AGBL4: variants seen among roughly 807,000 people sequenced by gnomAD.
The protein encoded by AGBL4 is cytosolic carboxypeptidase 6.
A neutral mutation model predicts 66.4 loss-of-function variants in AGBL4; 58 were observed. That is an observed-to-expected ratio of 0.87 (90% CI 0.71 to 1.09). The LOEUF is 1.09. Among genes scored for constraint, AGBL4 ranks in the 50% least tolerant of loss-of-function variants. The probability of loss-of-function intolerance (pLI) is 0.00; values close to 1 mark genes in which losing one functional copy is unlikely to be tolerated. For missense variants in AGBL4, 579 were observed against 631.0 expected (o/e 0.92, Z 0.88); for synonymous variants, 234 against 222.9 (o/e 1.05, Z -0.44).
chr1:48,588,836 A>AGAAGG (rs1398021957), intron 10 of AGBL4, among the ~76,000 whole-genome samples: 1 of 151,128 alleles, frequency 6.6e-6, no homozygotes, highest in African/African-American at 2.4e-5. Context: ...AGAAGAGAAG[A>AGAAGG]GAAGAGAAGA....
intron 6 of AGBL4, among the ~76,000 whole-genome samples, chr1:48,668,824 A>G (rs1164957317): frequency 1.3e-5 from 2 of 152,260 alleles, no homozygotes; most frequent in African/African-American, 4.8e-5. Flanking sequence ...TAGTAAGAAC[A>G]TGGCCATAGT....
chr1:49,165,007 G>A (rs1300912340), intron 4 of AGBL4, among the ~76,000 whole-genome samples: 1 of 152,052 alleles, frequency 6.6e-6, no homozygotes. Context: ...TAAATAATCA[G>A]TAGGAACATA....
chr1:48,551,202 G>A lies in AGBL4; in HGVS notation c.1268-11464C>T, dbSNP rs536613181. 1.8e-4 allele frequency among the ~76,000 whole-genome samples: 28 copies of A among 152,178 alleles called. No individual in the cohort carries two copies. The South Asian group carries it at 2.7e-3, about 15-fold the overall frequency. ...GCCTTATCTCCTGACACTGTATTCC[G>A]TTGTGCATGTATTTAGAAGGCCAGG... On this transcript the variant is annotated intron_variant, in intron 11 of 13. Coordinates refer to ENST00000371839, the MANE Select transcript of AGBL4 (RefSeq NM_032785.4).
intron 5 of AGBL4, among the ~76,000 whole-genome samples, chr1:49,004,458 C>T (rs1243685340): frequency 6.6e-6 from 1 of 152,180 alleles, no homozygotes; most frequent in Non-Finnish European, 1.5e-5. Context: ...ATAGAGCTGG[C>T]CCAGAGCAGG....
chr1:49,908,774 G>C (rs569658692), intron 1 of AGBL4, among the ~76,000 whole-genome samples: 23 of 152,036 alleles, frequency 1.5e-4, no homozygotes, highest in Non-Finnish European at 3.1e-4. Flanking sequence ...ATAAAAAAGG[G>C]GGTGGGTCTC....
intron 6 of AGBL4, among the ~76,000 whole-genome samples, chr1:48,676,040 T>C (rs570015661): frequency 3.3e-5 from 5 of 152,344 alleles, no homozygotes; most frequent in Non-Finnish European, 7.3e-5. Context: ...CTGGATTCTT[T>C]CTACAAATTC....
At chr1:49,948,390 AATATATAAAT>A (rs1296022761) in intron 1 of AGBL4, among the ~76,000 whole-genome samples, 31 of 118,052 alleles carry the variant, frequency 2.6e-4, no homozygotes, top group Admixed American at 9.5e-4. Flanking sequence ...AATATATATA[AATATATAAAT>A]ATATATAAAT....
At chr1:49,842,362 TG>T in intron 2 of AGBL4, 1 of 576,074 alleles carries the variant, frequency 1.7e-6, no homozygotes, top group East Asian at 6.6e-5. Flanking sequence ...CGGTGGACTC[TG>T]GAGTTCCCCA....
chr1:49,718,482 A>G (rs1339761064), intron 2 of AGBL4, among the ~76,000 whole-genome samples: 2 of 152,126 alleles, frequency 1.3e-5, no homozygotes, highest in African/African-American at 4.8e-5. Context: ...GCAATGTAAG[A>G]ACAGACTAAT....
chr1:49,601,582 G>C (rs959400407), intron 3 of AGBL4, among the ~76,000 whole-genome samples: 18 of 152,148 alleles, frequency 1.2e-4, no homozygotes, highest in African/African-American at 4.1e-4. Flanking sequence ...TGACAAACAT[G>C]ACAAAAACAA....
chr1:49,703,680 T>C (rs938088945), intron 2 of AGBL4, among the ~76,000 whole-genome samples: 1 of 151,988 alleles, frequency 6.6e-6, no homozygotes, highest in Non-Finnish European at 1.5e-5. Flanking sequence ...AGGGTGTCCT[T>C]CTATTCAACA....
chr1:48,751,253 T>C (rs553179162), intron 6 of AGBL4, among the ~76,000 whole-genome samples: 2 of 152,264 alleles, frequency 1.3e-5, no homozygotes, highest in South Asian at 2.1e-4. Context: ...GGCTTTTAAA[T>C]TAAGCAGGAA....
chr1:48,527,423 T>C, the AGBL4 span, among the ~76,000 whole-genome samples: 88,614 of 151,500 alleles, frequency 0.58, 26,547 homozygotes, highest in East Asian at 0.85. Context: ...GGTGAAACCC[T>C]GTCTCTACTA....
intron 6 of AGBL4, among the ~76,000 whole-genome samples, chr1:48,666,021 G>T (rs1033347347): frequency 7.2e-5 from 11 of 152,110 alleles, no homozygotes; most frequent in Non-Finnish European, 7.4e-5. Flanking sequence ...TGATAACATG[G>T]GGCTAATAAA....
intron 3 of AGBL4, among the ~76,000 whole-genome samples, chr1:49,613,980 A>G (rs537122375): frequency 6.6e-6 from 1 of 152,330 alleles, no homozygotes; most frequent in South Asian, 2.1e-4. Context: ...ATGTTCTTTA[A>G]TACTTGCTCC....
intron 3 of AGBL4, among the ~76,000 whole-genome samples, chr1:49,623,780 G>C (rs1411853497): frequency 6.6e-6 from 1 of 152,180 alleles, no homozygotes; most frequent in Non-Finnish European, 1.5e-5. Context: ...TCAAGGACTA[G>C]GACTACCACT....
chr1:49,851,032 T>A (rs925284762), intron 2 of AGBL4, among the ~76,000 whole-genome samples: 4 of 152,224 alleles, frequency 2.6e-5, no homozygotes, highest in Admixed American at 2.6e-4. Context: ...TAAAACTAAG[T>A]TCTACTGTAA....
At chr1:49,976,236 A>G (rs915975138) in intron 1 of AGBL4, among the ~76,000 whole-genome samples, 3 of 152,180 alleles carry the variant, frequency 2.0e-5, no homozygotes, top group Non-Finnish European at 4.4e-5. Context: ...CTTTCCTCAG[A>G]CAAGTCTTCC....
At chr1:49,903,106 A>T (rs1431257166) in intron 1 of AGBL4, among the ~76,000 whole-genome samples, 1 of 152,208 alleles carries the variant, frequency 6.6e-6, no homozygotes, top group African/African-American at 2.4e-5. Flanking sequence ...ATGTCCATCA[A>T]TGGTAGAGTG....
Sources: gnomAD v4.1 joint callset for allele counts (sites outside exome capture counted in the v4.1 genomes callset) on GRCh38, gnomAD v4.1.1 for gene constraint, MANE v1.5 for transcripts, NCBI Gene and HGNC (gene_info 2026-07-23, HGNC 2026-07-21) for gene names.